Variants in CD200R1 observed in about 807,000 individuals in gnomAD.
The protein encoded by CD200R1 is CD200 receptor 1, also known as cell surface glycoprotein CD200 receptor 1.
Under a neutral mutation model 38.1 loss-of-function variants are expected in CD200R1, and 30 were observed. The ratio of observed to expected loss-of-function variants is 0.79; its 90% CI spans 0.59 to 1.07. The LOEUF (loss-of-function observed/expected upper bound fraction) is 1.07. Among genes scored for constraint, CD200R1 ranks in the 50% least tolerant of loss-of-function variants. CD200R1 has a pLI of 0.00. For synonymous variants in CD200R1, 128 were observed against 152.1 expected (o/e 0.84, Z 1.16); for missense variants, 372 against 415.4 (o/e 0.90, Z 0.91).
At chr3:112,955,782 G>A (rs1052591336) in intron 1 of CD200R1, among the ~76,000 whole-genome samples, 1 of 149,940 alleles carries the variant, frequency 6.7e-6, no homozygotes, top group Non-Finnish European at 1.5e-5. Flanking sequence ...TGATTGGTAG[G>A]GTTTTTCATT....
chr3:112,934,050 A>C (rs1330439466), intron 2 of CD200R1, among the ~76,000 whole-genome samples: 2 of 152,138 alleles, frequency 1.3e-5, no homozygotes, highest in East Asian at 3.8e-4. Flanking sequence ...AGAAAAAGGC[A>C]CAGAAAACAT....
In CD200R1 at chr3:112,966,307, C is replaced by T. The variant is rs115219572; in HGVS notation, c.67+8484G>A. 2.0e-3 allele frequency among the ~76,000 whole-genome samples: 301 copies of T among 152,320 alleles called. 1 individual carries two copies. Among genetic ancestry groups the T allele is most frequent in the African/African-American group, 6.9e-3 (287 of 41,572 alleles). ...TATACACTGGAAAAGTCTGATTAAGCAGGCTTAAGCTCTATAGGCAATTTT... is the reference window on the plus strand; with the variant it reads ...TATACACTGGAAAAGTCTGATTAAGTAGGCTTAAGCTCTATAGGCAATTTT... On this transcript the variant is annotated intron_variant, in intron 1 of 7. Coordinates refer to ENST00000308611, the MANE Select transcript of CD200R1 (RefSeq NM_138806.4).
chr3:112,974,002 G>A (rs1220316120), intron 1 of CD200R1, among the ~76,000 whole-genome samples: 1 of 152,046 alleles, frequency 6.6e-6, no homozygotes, highest in Non-Finnish European at 1.5e-5. Context: ...CATCACAGAC[G>A]CACCACTGTA....
chr3:112,938,560 G>T (rs1232069087), intron 2 of CD200R1, among the ~76,000 whole-genome samples: 1 of 151,856 alleles, frequency 6.6e-6, no homozygotes, highest in East Asian at 1.9e-4. Context: ...AAACCAACAA[G>T]AAATGGAAAA....
chr3:112,924,330 T>C (rs1940234909), intron 7 of CD200R1, among the ~76,000 whole-genome samples, 160 bp downstream of exon 7: 1 of 151,966 alleles, frequency 6.6e-6, no homozygotes, highest in Admixed American at 6.6e-5. Context: ...TAGTATTTGA[T>C]AGATAATTAA....
chr3:112,957,954 A>G (rs1218593281), intron 1 of CD200R1, among the ~76,000 whole-genome samples: 2 of 152,214 alleles, frequency 1.3e-5, no homozygotes, highest in Non-Finnish European at 2.9e-5. Flanking sequence ...TTACACACCT[A>G]TAAGTATGGC....
At chr3:112,954,726 G>A (rs1941049757) in intron 1 of CD200R1, among the ~76,000 whole-genome samples, 1 of 152,172 alleles carries the variant, frequency 6.6e-6, no homozygotes, top group African/African-American at 2.4e-5. Context: ...GAAAGAGCAT[G>A]GGAATTCTGC....
intron 1 of CD200R1, 41 bp from the exon 2 acceptor site, chr3:112,947,965 T>C (rs1157583478): frequency 1.6e-6 from 2 of 1,217,556 alleles, no homozygotes; most frequent in Non-Finnish European, 2.4e-6. Context: ...GAGAGAAATA[T>C]GCATTAATAG....
At chr3:112,965,555 G>C (rs1933137312) in intron 1 of CD200R1, among the ~76,000 whole-genome samples, 1 of 152,170 alleles carries the variant, frequency 6.6e-6, no homozygotes, top group South Asian at 2.1e-4. Context: ...GAGGTCAACA[G>C]ATGGAGACCA....
chr3:112,975,036 C>T lies in CD200R1; in HGVS notation c.-179G>A, dbSNP rs1014938250. 16 of 577,910 alleles carry T rather than the reference C, an allele frequency of 2.8e-5. 1 individual carries two copies. Among genetic ancestry groups the T allele is most frequent in the African/African-American group, 2.1e-4 (11 of 53,630 alleles). 35.8% of individuals were successfully genotyped at this position (577,910 alleles called of 1,614,324 possible). The stretch of plus-strand genomic sequence containing the variant: ...CTTCCTTCACGTCTATGTGGTTTAG[C>T]CTGGTTAGTAACTTGGACGAACAGA... On this transcript the variant is annotated 5_prime_UTR_variant, in exon 1 of 8. Coordinates refer to ENST00000308611, the MANE Select transcript of CD200R1 (RefSeq NM_138806.4).
At chr3:112,940,304 G>A (rs192037891) in intron 2 of CD200R1, among the ~76,000 whole-genome samples, 103 of 151,748 alleles carry the variant, frequency 6.8e-4, no homozygotes, top group Non-Finnish European at 1.2e-3. Flanking sequence ...GGTAACTAAA[G>A]CAAAAATAAA....
chr3:112,928,742 GCA>G, intron 5 of CD200R1, 72 bp downstream of exon 5: 2 of 1,183,672 alleles, frequency 1.7e-6, no homozygotes, highest in South Asian at 3.0e-5. Flanking sequence ...AAATATATTT[GCA>G]CATCTTTTTT....
chr3:112,962,361 G>C (rs1419046828), intron 1 of CD200R1, among the ~76,000 whole-genome samples: 1 of 152,082 alleles, frequency 6.6e-6, no homozygotes, highest in Non-Finnish European at 1.5e-5. Flanking sequence ...CATATGCAAA[G>C]ATATGTGTAC....
chr3:112,941,862 G>T (rs1440005198), intron 2 of CD200R1, among the ~76,000 whole-genome samples: 1 of 151,286 alleles, frequency 6.6e-6, no homozygotes, highest in African/African-American at 2.4e-5. Flanking sequence ...TACCTACCAA[G>T]AAGAAAAGAA....
In CD200R1 at chr3:112,922,187, TATAAG is replaced by T. The variant is rs1301550250; in HGVS notation, c.*1485_*1489del. On this transcript the variant is annotated 3_prime_UTR_variant, in exon 8 of 8. Transcript: ENST00000308611. ...ATGTCTAGAGGGAGAAAAATATACT[TATAAG>T]ACAAAATAGCTGTCTTAAAAATCTC... 2.6e-5 allele frequency: 4 copies of T among 151,952 alleles called. No homozygotes were observed. Among genetic ancestry groups the T allele is most frequent in the Non-Finnish European group, 5.9e-5 (4 of 67,922 alleles). The allele number at this position is 151,952 out of a possible 1,614,324, so 9.4% of individuals were successfully genotyped here.
At chr3:112,946,032 C>CA (rs1208921538) in intron 2 of CD200R1, among the ~76,000 whole-genome samples, 6,420 of 71,630 alleles carry the variant, frequency 0.09, 477 homozygotes, top group African/African-American at 0.13. Flanking sequence ...GACTCCGTCT[C>CA]AAAAAAAAAA....
In CD200R1 at chr3:112,921,594, A is replaced by C. The variant is rs2107296562; in HGVS notation, c.*2083T>G. ...TCGACTATGTAAGTAATCACACCTA[A>C]CTCCGTCTCAGCCTCTGCTTCCTGG... is the stretch of plus-strand genomic sequence containing the variant. On this transcript the variant is annotated 3_prime_UTR_variant, in exon 8 of 8. Coordinates refer to ENST00000308611, the MANE Select transcript of CD200R1 (RefSeq NM_138806.4). 1 of 152,014 alleles carries C rather than the reference A, an allele frequency of 6.6e-6. No individual in the cohort carries two copies. Among genetic ancestry groups the C allele is most frequent in the Admixed American group, 6.6e-5 (1 of 15,226 alleles). The allele number at this position is 152,014 out of a possible 1,614,324, so 9.4% of individuals were successfully genotyped here.
chr3:112,952,509 C>G (rs1210346045), intron 1 of CD200R1, among the ~76,000 whole-genome samples: 5 of 152,122 alleles, frequency 3.3e-5, no homozygotes, highest in Non-Finnish European at 7.4e-5. Context: ...AATTGGAAAT[C>G]ATCATTCTCA....
chr3:112,962,488 C>T (rs1428009005), intron 1 of CD200R1, among the ~76,000 whole-genome samples: 1 of 152,044 alleles, frequency 6.6e-6, no homozygotes. Flanking sequence ...TAAATGTTAT[C>T]AAATAATATA....
Sources: gnomAD v4.1 joint callset for allele counts (sites outside exome capture counted in the v4.1 genomes callset) on GRCh38, gnomAD v4.1.1 for gene constraint, MANE v1.5 for transcripts, NCBI Gene and HGNC (gene_info 2026-07-23, HGNC 2026-07-21) for gene names.